Variants in LIMS1 observed in about 807,000 individuals in gnomAD.
LIMS1 encodes the protein LIM zinc finger domain containing 1.
A neutral mutation model predicts 44.1 loss-of-function variants in LIMS1; 18 were observed. That is an observed-to-expected ratio of 0.41 (90% confidence interval 0.28 to 0.61). The LOEUF is 0.61. LIMS1 is among the 20% of genes least tolerant of loss of function. The pLI is 0.32. For missense variants in LIMS1, 201 were observed against 422.0 expected, an observed-to-expected ratio of 0.48 and a Z score of 4.59; for synonymous variants, 93 against 149.1, an observed-to-expected ratio of 0.62 and a Z score of 2.74.
Position 108,642,335 on chromosome 2 carries a change from G to GTTTTTTTT in LIMS1, c.33-17264_33-17263insTTTTTTTT, listed in dbSNP as rs1332814174. The stretch of plus-strand genomic sequence containing the variant: ...AGAGGAGTAATTTTAAGCTACTAGT[G>GTTTTTTTT]TTTTTTGTTTTTTTTTTTTTTTGTT... On this transcript the variant is annotated intron_variant, in intron 1 of 9. Transcript: ENST00000544547. Among the ~76,000 whole-genome samples, 5 of 34,146 alleles carry GTTTTTTTT rather than the reference G, an allele frequency of 1.5e-4. 1 individual carries two copies. Among genetic ancestry groups the GTTTTTTTT allele is most frequent in the African/African-American group, 2.9e-4 (3 of 10,284 alleles). The allele number at this position is 34,146 out of a possible 152,430, so 22.4% of individuals were successfully genotyped here. A position where few individuals can be genotyped will look rare whatever the true frequency, so the allele number is the denominator to read the frequency against.
chr2:108,563,585 A>G (rs1573334210), intron 1 of LIMS1, among the ~76,000 whole-genome samples: 1 of 152,234 alleles, frequency 6.6e-6, no homozygotes, highest in Non-Finnish European at 1.5e-5. Flanking sequence ...CAATTTCATG[A>G]TAAAACTTGA....
At chr2:108,625,650 T>A (rs1688530678) in intron 1 of LIMS1, among the ~76,000 whole-genome samples, 1 of 151,978 alleles carries the variant, frequency 6.6e-6, no homozygotes, top group Non-Finnish European at 1.5e-5. Flanking sequence ...AATGGGAAGT[T>A]GCCACACAGC....
At chr2:108,563,781 C>T (rs925701389) in intron 1 of LIMS1, among the ~76,000 whole-genome samples, 1 of 152,002 alleles carries the variant, frequency 6.6e-6, no homozygotes, top group Non-Finnish European at 1.5e-5. Context: ...TTCTAGTGGC[C>T]AGGCGCATAG....
At chr2:108,653,163 A>G (rs1690620009) in intron 1 of LIMS1, among the ~76,000 whole-genome samples, 1 of 151,490 alleles carries the variant, frequency 6.6e-6, no homozygotes, top group Non-Finnish European at 1.5e-5. Context: ...CCACTCCCTC[A>G]TCTTTTCTGG....
At chr2:108,601,167 T>G (rs1181487815) in intron 1 of LIMS1, among the ~76,000 whole-genome samples, 2 of 152,088 alleles carry the variant, frequency 1.3e-5, no homozygotes, top group Non-Finnish European at 2.9e-5. Context: ...ACAAGCTTTA[T>G]CCCACGTAAA....
At chr2:108,581,806 G>A (rs1027996014) in intron 1 of LIMS1, among the ~76,000 whole-genome samples, 1 of 151,912 alleles carries the variant, frequency 6.6e-6, no homozygotes, top group Non-Finnish European at 1.5e-5. Context: ...GAGTGGTGGC[G>A]CATGCCTGTA....
intron 1 of LIMS1, among the ~76,000 whole-genome samples, chr2:108,616,259 G>T (rs1370323731): frequency 7.1e-6 from 1 of 141,620 alleles, no homozygotes; most frequent in Non-Finnish European, 1.5e-5. Flanking sequence ...AGGCTGGAGT[G>T]CAGTGGTGTG....
intron 1 of LIMS1, among the ~76,000 whole-genome samples, chr2:108,654,233 G>A (rs1051973401): frequency 7.2e-5 from 11 of 152,034 alleles, no homozygotes; most frequent in African/African-American, 2.2e-4. Context: ...ACAGGAGACA[G>A]GAGTGTGAAC....
In LIMS1 at chr2:108,666,348, A is replaced by G. The variant is rs527530838; in HGVS notation, c.193-4433A>G. ...ATTTGTTTGTTTTGAGACAAAGTCA[A>G]GCTCTGTCACCTAAACTGGAGTGCA... On this transcript the variant is annotated intron_variant, in intron 2 of 9. Transcript: ENST00000544547. Among the ~76,000 whole-genome samples, 636 of 143,368 alleles carry G rather than the reference A, an allele frequency of 4.4e-3. 5 individuals carry two copies. Among genetic ancestry groups the G allele is most frequent in the African/African-American group, 0.016 (601 of 38,354 alleles). 94.1% of individuals were successfully genotyped at this position (143,368 alleles called of 152,430 possible). A position where few individuals can be genotyped will look rare whatever the true frequency, so the allele number is the denominator to read the frequency against.
intron 9 of LIMS1, 28 bp from the exon 10 acceptor site, chr2:108,683,857 C>CTT: frequency 4.8e-6 from 6 of 1,263,066 alleles, no homozygotes; most frequent in Admixed American, 2.3e-5. Context: ...CCACTAACTT[C>CTT]TTTTTTTTTA....
At chr2:108,591,675 G>A (rs1028641194) in intron 1 of LIMS1, among the ~76,000 whole-genome samples, 1 of 151,898 alleles carries the variant, frequency 6.6e-6, no homozygotes, top group African/African-American at 2.4e-5. Flanking sequence ...GCCCAGGCTT[G>A]TCTTGAACTC....
At chr2:108,686,377 C>T (rs1272422220) in exon 10 of LIMS1, 1 of 151,964 alleles carries the variant, frequency 6.6e-6, no homozygotes, top group East Asian at 1.9e-4. Context: ...ACTTGCTAAG[C>T]CTGTAATACT....
intron 1 of LIMS1, among the ~76,000 whole-genome samples, chr2:108,621,070 A>G (rs1688206555): frequency 6.6e-6 from 1 of 152,180 alleles, no homozygotes; most frequent in African/African-American, 2.4e-5. Flanking sequence ...TAACAATTAA[A>G]TTTTGCTTAT....
intron 1 of LIMS1, among the ~76,000 whole-genome samples, chr2:108,618,189 C>A: frequency 6.6e-6 from 1 of 151,942 alleles, no homozygotes; most frequent in East Asian, 1.9e-4. Context: ...TTTTAGAGTG[C>A]TAAAATGAAA....
At chr2:108,542,280 C>T (rs1292118492) in intron 1 of LIMS1, among the ~76,000 whole-genome samples, 1 of 152,178 alleles carries the variant, frequency 6.6e-6, no homozygotes, top group Admixed American at 6.5e-5. Context: ...TAGTTTCCTC[C>T]TAGGCCACTG....
chr2:108,586,056 G>A (rs1044832799), intron 1 of LIMS1, among the ~76,000 whole-genome samples: 1 of 152,144 alleles, frequency 6.6e-6, no homozygotes, highest in Non-Finnish European at 1.5e-5. Flanking sequence ...GCCGGGTGTT[G>A]TGGAGGGTGC....
chr2:108,600,302 C>T (rs4953791), intron 1 of LIMS1, among the ~76,000 whole-genome samples: 51,084 of 130,618 alleles, frequency 0.39, 7,162 homozygotes, highest in East Asian at 0.74. Context: ...CTGCCCACCT[C>T]GGCCTCCCAA....
chr2:108,558,823 A>G (rs1274826377), intron 1 of LIMS1, among the ~76,000 whole-genome samples: 1 of 151,672 alleles, frequency 6.6e-6, no homozygotes, highest in Non-Finnish European at 1.5e-5. Flanking sequence ...GTTGTATGCC[A>G]CCACACCTGG....
chr2:108,563,341 T>C (rs1437139666), intron 1 of LIMS1, among the ~76,000 whole-genome samples: 1 of 152,226 alleles, frequency 6.6e-6, no homozygotes, highest in East Asian at 1.9e-4. Context: ...GCAAGTAAAA[T>C]GAAAACCTTC....
Sources: allele counts gnomAD v4.1 joint callset (sites outside exome capture counted in the v4.1 genomes callset), GRCh38; gene constraint gnomAD v4.1.1; transcripts MANE v1.5; gene names NCBI Gene and HGNC (gene_info 2026-07-23, HGNC 2026-07-21).